The following GATAD1 variants were observed in gnomAD, a reference collection of about 807,000 sequenced individuals.
GATAD1 encodes GATA zinc finger domain containing 1.
A neutral mutation model predicts 26.5 loss-of-function variants in GATAD1; 12 were observed. The observed-to-expected ratio is 0.45, with a 90% CI of 0.29 to 0.73. The LOEUF (loss-of-function observed/expected upper bound fraction) is 0.73. GATAD1 is among the 30% of genes least tolerant of loss of function. The pLI is 0.10. For missense variants in GATAD1, 266 were observed against 342.1 expected, an observed-to-expected ratio of 0.78 and a Z score of 1.75; for synonymous variants, 129 against 133.1, an observed-to-expected ratio of 0.97 and a Z score of 0.21.
At chr7:92,474,618 C>G in the GATAD1 span, 1 of 152,166 alleles carries the variant, frequency 6.6e-6, no homozygotes. Flanking sequence ...TATCATTGAC[C>G]TGACTGAGAT....
rs1274598810 is a variant in GATAD1, at chr7:92,459,611, T to A, written c.*3049T>A. Among the ~76,000 whole-genome samples, 1 of 152,226 alleles carries A rather than the reference T, an allele frequency of 6.6e-6. No homozygotes were observed. Among genetic ancestry groups the A allele is most frequent in the Non-Finnish European group, 1.5e-5 (1 of 68,036 alleles). On this transcript the variant is annotated 3_prime_UTR_variant, in exon 5 of 5. Transcript: ENST00000287957. ...TCTCCAATTCTACCTTCCAAAGGCC[T>A]TTCTTAACACCTTCGGATTCTTTCT...
Position 92,447,706 on chromosome 7 carries a change from C to T in GATAD1, c.-24C>T. On this transcript the variant is annotated 5_prime_UTR_variant, in exon 1 of 5. Transcript: ENST00000287957. ...CGCCATTCCCGTGTCTCTGCGCCCG[C>T]GGGGGCCGCCCGAGCCGGCCACCAT... is the stretch of plus-strand genomic sequence containing the variant. 6.9e-7 allele frequency: 1 copy of T among 1,440,300 alleles called. No homozygotes were observed. The highest frequency in any genetic ancestry group is 9.1e-7 in the Non-Finnish European group (1 of 1,095,734). The allele number at this position is 1,440,300 out of a possible 1,614,324, so 89.2% of individuals were successfully genotyped here. A position where few individuals can be genotyped will look rare whatever the true frequency, so the allele number is the denominator to read the frequency against.
At chr7:92,454,441 A>G (rs1789578573) in intron 3 of GATAD1, 61 bp from the exon 4 acceptor site, 6 of 1,291,470 alleles carry the variant, frequency 4.6e-6, no homozygotes, top group Non-Finnish European at 5.6e-6. Flanking sequence ...ATTAAGGTTC[A>G]TTCATAGCTG....
downstream of GATAD1, among the ~76,000 whole-genome samples, chr7:92,460,929 G>GCACA (rs367896680): frequency 2.6e-4 from 39 of 150,632 alleles, no homozygotes; most frequent in South Asian, 5.1e-3. Context: ...TTTACAATAA[G>GCACA]CACACACACA....
In GATAD1 at chr7:92,454,751, G is replaced by GT. The variant is rs538253374; in HGVS notation, c.619+67dup. Reference sequence around the variant, plus strand: ...TAACTCTCCAATATTATGTAAAAGAGTGTGTTAGTCAGCTTGGGCTGTCAG... The same window carrying GT: ...TAACTCTCCAATATTATGTAAAAGAGTTGTGTTAGTCAGCTTGGGCTGTCAG... On this transcript the variant is annotated intron_variant, in intron 4 of 4. Transcript: ENST00000287957. The GT allele has an allele frequency of 2.6e-5, 30 of 1,133,602 alleles. No homozygotes were observed. The South Asian group carries it at 4.4e-4, about 17-fold the overall frequency. The allele number at this position is 1,133,602 out of a possible 1,614,324, so 70.2% of individuals were successfully genotyped here.
chr7:92,458,819 T>C lies in GATAD1; in HGVS notation c.*2257T>C, dbSNP rs1789799852. ...AATATTCAAAACTTTTGGATTAAAA[T>C]GTATTTTTCACCGTGCATTTACTTT... is the stretch of plus-strand genomic sequence containing the variant. On this transcript the variant is annotated 3_prime_UTR_variant, in exon 5 of 5. Coordinates refer to ENST00000287957, the MANE Select transcript of GATAD1 (RefSeq NM_021167.5). 6.6e-6 allele frequency: 1 copy of C among 152,248 alleles called. No individual in the cohort carries two copies. Among genetic ancestry groups the C allele is most frequent in the Non-Finnish European group, 1.5e-5 (1 of 68,036 alleles). The allele number at this position is 152,248 out of a possible 1,614,324, so 9.4% of individuals were successfully genotyped here. A position where few individuals can be genotyped will look rare whatever the true frequency, so the allele number is the denominator to read the frequency against.
In GATAD1 at chr7:92,447,913, G is replaced by A. The variant is rs1445688677; in HGVS notation, c.184G>A (p.Ala62Thr). The A allele has an allele frequency of 7.2e-6, 9 of 1,252,734 alleles. No homozygotes were observed. Among genetic ancestry groups the A allele is most frequent in the Non-Finnish European group, 9.0e-6 (9 of 1,000,638 alleles). The allele number at this position is 1,252,734 out of a possible 1,614,324, so 77.6% of individuals were successfully genotyped here. Reference protein sequence around the residue: ...TGGSGGGGFGAATFASTSATP... With the variant: ...TGGSGGGGFGTATFASTSATP... Reference sequence around the variant, plus strand: ...GGGCAGCGGCGGCGGCGGCTTCGGCGCGGCGACCTTCGCCAGCACCTCCGC... The same window carrying A: ...GGGCAGCGGCGGCGGCGGCTTCGGCACGGCGACCTTCGCCAGCACCTCCGC... The change falls in exon 1 of 5, where the codon GCG becomes ACG. Residue 62 changes from alanine to threonine, a missense_variant. Coordinates refer to ENST00000287957, the MANE Select transcript of GATAD1 (RefSeq NM_021167.5).
chr7:92,466,851 T>C, the GATAD1 span, among the ~76,000 whole-genome samples: 1 of 152,188 alleles, frequency 6.6e-6, no homozygotes, highest in Non-Finnish European at 1.5e-5. Context: ...CAGGAGTTAC[T>C]TTTATAGCTT....
chr7:92,489,292 C>G, the GATAD1 span: 1 of 1,613,194 alleles, frequency 6.2e-7, no homozygotes, highest in Non-Finnish European at 8.5e-7. Context: ...CTGTTACTTA[C>G]AGCTCAGCAA....
At chr7:92,449,686 T>TA in intron 2 of GATAD1, 5 of 716,430 alleles carry the variant, frequency 7.0e-6, no homozygotes, top group Non-Finnish European at 8.6e-6. Context: ...TTTTTTTTTT[T>TA]AATTTAATTT....
chr7:92,489,486 C>A, the GATAD1 span: 1 of 1,399,484 alleles, frequency 7.1e-7, no homozygotes, highest in Non-Finnish European at 1.0e-6. Flanking sequence ...ATGTGGTAGT[C>A]CAGTTGTTAC....
At chr7:92,493,737 T>C in the GATAD1 span, 1 of 153,774 alleles carries the variant, frequency 6.5e-6, no homozygotes, top group South Asian at 2.0e-4. Flanking sequence ...GCCAAGAAGG[T>C]ATTTCAAAAG....
the GATAD1 span, chr7:92,494,644 C>A: frequency 3.1e-6 from 5 of 1,613,058 alleles, no homozygotes; most frequent in African/African-American, 6.7e-5. Context: ...GAAAAACAAA[C>A]AACATTTCAT....
the GATAD1 span, chr7:92,489,617 A>T: frequency 8.4e-7 from 1 of 1,186,720 alleles, no homozygotes; most frequent in Non-Finnish European, 1.2e-6. Context: ...CTTGTTTATA[A>T]ATATAGCTCG....
intron 2 of GATAD1, chr7:92,449,335 T>C (rs1009957328): frequency 2.2e-6 from 2 of 895,408 alleles, no homozygotes; most frequent in South Asian, 5.1e-5. Context: ...TACTGACTTA[T>C]GATGATGATG....
the GATAD1 span, chr7:92,477,323 T>A: frequency 6.6e-6 from 1 of 152,298 alleles, no homozygotes; most frequent in Admixed American, 6.5e-5. Context: ...GGTATTTTCC[T>A]CCAATTCTAA....
At position 92,448,751 on chromosome 7, in the gene GATAD1, G is replaced by A; in HGVS notation, c.250-1G>A. ...TGTTCTTTAATTTGTTTGTGTAACA[G>A]AGTAAGCAGGAAATTCACAGGAGGT... On this transcript the variant is annotated splice_acceptor_variant, in intron 1 of 4. Coordinates refer to ENST00000287957, the MANE Select transcript of GATAD1 (RefSeq NM_021167.5). LOFTEE classifies it high-confidence loss of function. 2 of 1,610,920 alleles carry A rather than the reference G, an allele frequency of 1.2e-6. No individual in the cohort carries two copies. The highest frequency in any genetic ancestry group is 1.1e-5 in the South Asian group (1 of 91,024).
In GATAD1 at chr7:92,447,562, C is replaced by G; in HGVS notation, c.-168C>G. On this transcript the variant is annotated 5_prime_UTR_variant, in exon 1 of 5. Transcript: ENST00000287957. ...CGGAGCCGGCGGAACCCGCTTCCCG[C>G]CTCCACGGGGCAGCGCCAGCGGCCT... 1.1e-6 allele frequency: 1 copy of G among 875,886 alleles called. No homozygotes were observed. The highest frequency in any genetic ancestry group is 4.1e-4 in the Middle Eastern group (1 of 2,412). The allele number at this position is 875,886 out of a possible 1,614,324, so 54.3% of individuals were successfully genotyped here.
At chr7:92,451,470 T>C (rs1056283334) in intron 3 of GATAD1, among the ~76,000 whole-genome samples, 5 of 152,228 alleles carry the variant, frequency 3.3e-5, no homozygotes, top group Admixed American at 6.5e-5. Context: ...GGATCTGAAC[T>C]GTCATTTAGG....
Sources: gnomAD v4.1 joint callset for allele counts (sites outside exome capture counted in the v4.1 genomes callset) on GRCh38, gnomAD v4.1.1 for gene constraint, MANE v1.5 for transcripts, NCBI Gene and HGNC (gene_info 2026-07-23, HGNC 2026-07-21) for gene names.